Variants in NEUROD1 observed in about 807,000 individuals in gnomAD.
NEUROD1 encodes the protein neurogenic differentiation factor 1.
A neutral mutation model predicts 21.8 loss-of-function variants in NEUROD1; 9 were observed. The ratio of observed to expected loss-of-function variants is 0.41; its 90% CI spans 0.25 to 0.72. NEUROD1 has a LOEUF of 0.72. NEUROD1 is among the 30% of genes least tolerant of loss of function. NEUROD1 has a pLI of 0.31. For missense variants in NEUROD1, 434 were observed against 468.8 expected (o/e 0.93, Z 0.69); for synonymous variants, 199 against 186.2 (o/e 1.07, Z -0.56).
At chr2:181,671,292 T>C (rs1448005904) in exon 2 of NEUROD1, among the ~76,000 whole-genome samples, 4 of 152,162 alleles carry the variant, frequency 2.6e-5, no homozygotes, top group Non-Finnish European at 5.9e-5. Context: ...ATTCTTCTAG[T>C]AAAGAAATAT....
At chr2:181,671,149 G>A (rs1376869457) in exon 2 of NEUROD1, among the ~76,000 whole-genome samples, 1 of 151,376 alleles carries the variant, frequency 6.6e-6, no homozygotes, top group East Asian at 1.9e-4. Flanking sequence ...ATAAAACCTG[G>A]GAAGCAAAGA....
At chr2:181,671,823 C>G (rs1306119571), downstream of NEUROD1, among the ~76,000 whole-genome samples, 1 of 152,164 alleles carries the variant, frequency 6.6e-6, no homozygotes, top group East Asian at 1.9e-4. Flanking sequence ...TAAACAAGCA[C>G]TACAATTGTT....
downstream of NEUROD1, among the ~76,000 whole-genome samples, chr2:181,673,979 A>G (rs1688531087): frequency 6.6e-6 from 1 of 152,146 alleles, no homozygotes; most frequent in Non-Finnish European, 1.5e-5. Context: ...TCTTGATATT[A>G]TAATCTTTCA....
At chr2:181,669,197 CT>C (rs538715171), downstream of NEUROD1, among the ~76,000 whole-genome samples, 517 of 152,238 alleles carry the variant, frequency 3.4e-3, 4 homozygotes, top group African/African-American at 0.012. Context: ...CAAAGCCTCT[CT>C]TGTATCAGGC....
At position 181,677,794 on chromosome 2, in the gene NEUROD1, T is replaced by C. The variant is rs1007142199; in HGVS notation, c.1067A>G (p.Asp356Gly). The change falls in exon 2 of 2, where the codon GAT becomes GGT. Residue 356 changes from aspartate to glycine, a missense_variant. Coordinates refer to ENST00000295108, the MANE Select transcript of NEUROD1 (RefSeq NM_002500.5). ...AATGGTGAAACTGGCGTGCCTCTAA[T>C]CATGAAATATGGCATTGAGCTGGGC... ...MSAQLNAIFH[D>G] The C allele has an allele frequency of 1.2e-6, 2 of 1,614,022 alleles. No individual in the cohort carries two copies. The highest frequency in any genetic ancestry group is 1.3e-5 in the African/African-American group (1 of 74,908).
At chr2:181,669,171 C>G (rs756363506), downstream of NEUROD1, among the ~76,000 whole-genome samples, 12 of 152,088 alleles carry the variant, frequency 7.9e-5, no homozygotes, top group Non-Finnish European at 1.8e-4. Context: ...TAAAAATGAG[C>G]AAGCAACAAC....
chr2:181,675,858 A>G (rs1688561462), downstream of NEUROD1, among the ~76,000 whole-genome samples: 1 of 152,208 alleles, frequency 6.6e-6, no homozygotes, highest in Non-Finnish European at 1.5e-5. Flanking sequence ...AATCATCACA[A>G]GATGTTAATA....
downstream of NEUROD1, among the ~76,000 whole-genome samples, chr2:181,672,332 C>T (rs1688510427): frequency 6.6e-6 from 1 of 152,162 alleles, no homozygotes; most frequent in South Asian, 2.1e-4. Flanking sequence ...TGGTCCTCTC[C>T]ATTCTCAACT....
exon 2 of NEUROD1, among the ~76,000 whole-genome samples, chr2:181,670,713 C>A (rs1306897263): frequency 6.6e-6 from 1 of 151,966 alleles, no homozygotes; most frequent in Non-Finnish European, 1.5e-5. Flanking sequence ...CTGATGTGGG[C>A]CCCAAATCCT....
At position 181,678,258 on chromosome 2, in the gene NEUROD1, C is replaced by G. The variant is rs371912669; in HGVS notation, c.603G>C (p.Gln201His). 3.7e-6 allele frequency: 6 copies of G among 1,614,118 alleles called. No homozygotes were observed. In the African/African-American group the frequency reaches 4.0e-5, roughly 11 times the overall value. ...CCGTCGGCAGGTGGGGGGGCATGTC[C>G]TGGTTCTGCTCAGGCAGAAAAGTCC... ...NPRTFLPEQN[Q>H]DMPPHLPTAS... The change falls in exon 2 of 2, where the codon CAG (glutamine) becomes CAC (histidine). Residue 201 changes from glutamine to histidine, a missense_variant. Coordinates refer to ENST00000295108, the MANE Select transcript of NEUROD1 (RefSeq NM_002500.5). This position sits in a 1 kb window ranked among gnomAD's most constrained non-coding sequence, Gnocchi z 5.5.
At chr2:181,668,407 G>A (rs1229974132), downstream of NEUROD1, among the ~76,000 whole-genome samples, 1 of 152,094 alleles carries the variant, frequency 6.6e-6, no homozygotes, top group African/African-American at 2.4e-5. Flanking sequence ...TCCAGCCAGA[G>A]AGTCTGCCTG....
chr2:181,670,743 GAC>G (rs1286430851), exon 2 of NEUROD1, among the ~76,000 whole-genome samples: 5 of 152,024 alleles, frequency 3.3e-5, no homozygotes, highest in African/African-American at 1.2e-4. Flanking sequence ...TTGATTTGTA[GAC>G]ACATCACTCC....
intron 1 of NEUROD1, among the ~76,000 whole-genome samples, chr2:181,679,403 T>G (rs1235882912): frequency 1.3e-5 from 2 of 152,198 alleles, no homozygotes; most frequent in Non-Finnish European, 2.9e-5. Context: ...GAAGATTACA[T>G]CGACGGGATA....
At position 181,678,254 on chromosome 2, in the gene NEUROD1, T is replaced by G. The variant is rs200292501; in HGVS notation, c.607A>C (p.Met203Leu). ...RTFLPEQNQD[M>L]PPHLPTASAS... Reference sequence around the variant, plus strand: ...CTGGCCGTCGGCAGGTGGGGGGGCATGTCCTGGTTCTGCTCAGGCAGAAAA... The same window carrying G: ...CTGGCCGTCGGCAGGTGGGGGGGCAGGTCCTGGTTCTGCTCAGGCAGAAAA... Residue 203 changes from methionine (M) to leucine (L), a missense_variant, in exon 2 of 2, where the codon ATG becomes CTG. Met to Leu is a conservative substitution (Grantham distance 15). Transcript: ENST00000295108. This position sits in a 1 kb window ranked among gnomAD's most constrained non-coding sequence, Gnocchi z 5.5. 1 of 1,614,128 alleles carries G rather than the reference T, an allele frequency of 6.2e-7. No homozygotes were observed. Among genetic ancestry groups the G allele is most frequent in the East Asian group, 2.2e-5 (1 of 44,878 alleles).
Position 181,676,497 on chromosome 2 carries a change from A to G in NEUROD1, c.*1293T>C, listed in dbSNP as rs1688573647. 1 of 152,640 alleles carries G rather than the reference A, an allele frequency of 6.6e-6. No homozygotes were observed. Among genetic ancestry groups the G allele is most frequent in the Admixed American group, 6.5e-5 (1 of 15,284 alleles). The allele number at this position is 152,640 out of a possible 1,614,324, so 9.5% of individuals were successfully genotyped here. ...TTCAATACTATTTTATTGCAACTGG[A>G]TGAATGTTTTCTAAATTGTGCATTA... On this transcript the variant is annotated 3_prime_UTR_variant, in exon 2 of 2. Coordinates refer to ENST00000295108, the MANE Select transcript of NEUROD1 (RefSeq NM_002500.5).
Position 181,678,147 on chromosome 2 carries a change from A to T in NEUROD1, c.714T>A (p.His238Gln), listed in dbSNP as rs770828405. 1 of 1,614,188 alleles carries T rather than the reference A, an allele frequency of 6.2e-7. No homozygotes were observed. Among genetic ancestry groups the T allele is most frequent in the Non-Finnish European group, 8.5e-7 (1 of 1,180,044 alleles). The stretch of plus-strand genomic sequence containing the variant: ...GCGGCGGAGGCTTAACGTGGAAGAC[A>T]TGGGAGCTGTCCATGGTACCGTAAG... Reference protein sequence around the residue: ...SPPYGTMDSSHVFHVKPPPHA... With the variant: ...SPPYGTMDSSQVFHVKPPPHA... Residue 238 changes from histidine (H) to glutamine (Q), a missense_variant, in exon 2 of 2, where the codon CAT becomes CAA. Coordinates refer to ENST00000295108, the MANE Select transcript of NEUROD1 (RefSeq NM_002500.5). The surrounding 1 kb of genome is among the most constrained non-coding windows in gnomAD (Gnocchi z 5.5).
In NEUROD1 at chr2:181,678,630, G is replaced by C. The variant is rs1242316658; in HGVS notation, c.231C>G (p.Asp77Glu). Residue 77 changes from aspartate (D) to glutamate (E), a missense_variant, in exon 2 of 2, where the codon GAC (aspartate) becomes GAG (glutamate). Physicochemically the swap from Asp to Glu is conservative, Grantham distance 45 (BLOSUM62 2). Coordinates refer to ENST00000295108, the MANE Select transcript of NEUROD1 (RefSeq NM_002500.5). This position sits in a 1 kb window ranked among gnomAD's most constrained non-coding sequence, Gnocchi z 5.5. The part of the protein sequence containing the change: ...EEEEEEEEED[D>E]DQKPKRRGPK... ...GGCCGCGTCTCTTGGGCTTTTGATCGTCATCCTCCTCTTCCTCTTCTTCCT... is the reference window on the plus strand; with the variant it reads ...GGCCGCGTCTCTTGGGCTTTTGATCCTCATCCTCCTCTTCCTCTTCTTCCT... The C allele has an allele frequency of 1.2e-6, 2 of 1,613,866 alleles. No individual in the cohort carries two copies. Among genetic ancestry groups the C allele is most frequent in the African/African-American group, 1.3e-5 (1 of 74,998 alleles).
chr2:181,670,631 G>A (rs1423671609), exon 2 of NEUROD1, among the ~76,000 whole-genome samples: 6 of 152,112 alleles, frequency 3.9e-5, no homozygotes, highest in Admixed American at 2.6e-4. Flanking sequence ...TAAAATCAAG[G>A]TGTCAGCAGG....
In NEUROD1 at chr2:181,676,995, A is replaced by G. The variant is rs946367001; in HGVS notation, c.*795T>C. On this transcript the variant is annotated 3_prime_UTR_variant, in exon 2 of 2. Transcript: ENST00000295108. Reference sequence around the variant, plus strand: ...TGTGCAAGTAATGTGTTGAATTGATATGTTTTGATAGGGAATGTATCTCTT... The same window carrying G: ...TGTGCAAGTAATGTGTTGAATTGATGTGTTTTGATAGGGAATGTATCTCTT... The G allele has an allele frequency of 6.6e-6, 1 of 151,894 alleles. No individual in the cohort carries two copies. The highest frequency in any genetic ancestry group is 1.5e-5 in the Non-Finnish European group (1 of 67,906). The allele number at this position is 151,894 out of a possible 1,614,324, so 9.4% of individuals were successfully genotyped here. A position where few individuals can be genotyped will look rare whatever the true frequency, so the allele number is the denominator to read the frequency against.
Sources: gnomAD v4.1 joint callset for allele counts (sites outside exome capture counted in the v4.1 genomes callset) on GRCh38, gnomAD v4.1.1 for gene constraint, Gnocchi (gnomAD v3.1) non-coding constraint, MANE v1.5 for transcripts, NCBI Gene and HGNC (gene_info 2026-07-23, HGNC 2026-07-21) for gene names.